The following KCNK13 variants were observed in gnomAD, a reference collection of about 807,000 sequenced individuals.
KCNK13 encodes potassium two pore domain channel subfamily K member 13.
In KCNK13, 12 loss-of-function variants were observed where a neutral mutation model predicts 23.4. The ratio of observed to expected loss-of-function variants is 0.51; its 90% confidence interval spans 0.33 to 0.83. KCNK13 has a LOEUF of 0.83. KCNK13 is among the 40% of genes least tolerant of loss of function. The pLI is 0.02. For missense variants in KCNK13, 463 were observed against 556.3 expected (o/e 0.83, Z 1.69); for synonymous variants, 231 against 229.5 (o/e 1.01, Z -0.06).
At chr14:90,136,127 G>A (rs1889934014) in intron 1 of KCNK13, among the ~76,000 whole-genome samples, 1 of 151,972 alleles carries the variant, frequency 6.6e-6, no homozygotes, top group African/African-American at 2.4e-5. Flanking sequence ...ATGAAAAGTG[G>A]CCAGAATGTG....
At chr14:90,165,298 C>T (rs1007944520) in intron 1 of KCNK13, among the ~76,000 whole-genome samples, 8 of 152,160 alleles carry the variant, frequency 5.3e-5, no homozygotes, top group Non-Finnish European at 7.3e-5. Context: ...GAGTGCTGAT[C>T]AGGGTGGGGC....
chr14:90,074,774 G>A (rs537002517), intron 1 of KCNK13, among the ~76,000 whole-genome samples: 6 of 152,016 alleles, frequency 3.9e-5, no homozygotes, highest in South Asian at 2.1e-4. Context: ...ACCCAAAATG[G>A]CATTTCATTG....
At chr14:90,110,568 TC>T (rs1484713984) in intron 1 of KCNK13, among the ~76,000 whole-genome samples, 3 of 151,894 alleles carry the variant, frequency 2.0e-5, no homozygotes, top group Non-Finnish European at 4.4e-5. Context: ...CTACTGCTAG[TC>T]TGGAGCCACA....
intron 1 of KCNK13, among the ~76,000 whole-genome samples, chr14:90,125,932 G>T (rs1197265762): frequency 6.6e-6 from 1 of 151,926 alleles, no homozygotes; most frequent in Admixed American, 6.6e-5. Flanking sequence ...GCTGAGATGG[G>T]AGGATCACCT....
intron 1 of KCNK13, among the ~76,000 whole-genome samples, chr14:90,122,176 T>C (rs985730926): frequency 1.3e-5 from 2 of 152,162 alleles, no homozygotes; most frequent in Non-Finnish European, 2.9e-5. Flanking sequence ...TTTCACTATT[T>C]TTTTCAGTTA....
In KCNK13 at chr14:90,184,973, C is replaced by A. The variant is rs772343714; in HGVS notation, c.1197C>A (p.Asn399Lys). 1.6e-5 allele frequency: 26 copies of A among 1,602,506 alleles called. No individual in the cohort carries two copies. Among genetic ancestry groups the A allele is most frequent in the Non-Finnish European group, 2.1e-5 (25 of 1,173,556 alleles). ...GGVGAFAIMN[N>K]RLAETSGDR ...TGGGAGCCTTTGCAATCATGAACAA[C>A]AGGTTGGCAGAGACCAGTGGGGACA... Residue 399 changes from asparagine (N) to lysine (K), a missense_variant, in exon 2 of 2, where the codon AAC (asparagine) becomes AAA (lysine). Transcript: ENST00000282146. This position sits in a 1 kb window ranked among gnomAD's most constrained non-coding sequence, Gnocchi z 5.6.
chr14:90,097,761 C>T (rs745912505), intron 1 of KCNK13, among the ~76,000 whole-genome samples: 4 of 152,104 alleles, frequency 2.6e-5, no homozygotes, highest in African/African-American at 4.8e-5. Context: ...ATGCACAACA[C>T]GCCCAGTATA....
chr14:90,146,436 C>T (rs1890074350), intron 1 of KCNK13, among the ~76,000 whole-genome samples: 1 of 152,142 alleles, frequency 6.6e-6, no homozygotes, highest in Admixed American at 6.5e-5. Context: ...CTGTCTCAGC[C>T]TCCCAAGTAG....
intron 1 of KCNK13, among the ~76,000 whole-genome samples, chr14:90,079,387 T>C (rs1889181125): frequency 6.6e-6 from 1 of 151,774 alleles, no homozygotes. Context: ...TGAGGTTATT[T>C]TATGGAGCAT....
At chr14:90,173,991 G>T (rs1289570343) in intron 1 of KCNK13, among the ~76,000 whole-genome samples, 2 of 152,158 alleles carry the variant, frequency 1.3e-5, no homozygotes, top group Non-Finnish European at 2.9e-5. Context: ...AAAGTGCAAA[G>T]AGGGAAGAGT....
chr14:90,105,827 A>C (rs983923419), intron 1 of KCNK13, among the ~76,000 whole-genome samples: 4 of 152,242 alleles, frequency 2.6e-5, no homozygotes, highest in African/African-American at 9.6e-5. Context: ...TAATAATAAC[A>C]GTCCGACAAA....
intron 1 of KCNK13, among the ~76,000 whole-genome samples, chr14:90,179,823 A>G (rs1397670990): frequency 6.6e-6 from 1 of 152,240 alleles, no homozygotes; most frequent in Non-Finnish European, 1.5e-5. Flanking sequence ...ATGTAATTAT[A>G]TCATTTGTTG....
chr14:90,077,441 A>G lies in KCNK13; in HGVS notation c.334+14902A>G, dbSNP rs576426730. 2.6e-5 allele frequency among the ~76,000 whole-genome samples: 4 copies of G among 152,206 alleles called. No individual in the cohort carries two copies. The East Asian group carries it at 7.7e-4, about 29-fold the overall frequency. On this transcript the variant is annotated intron_variant, in intron 1 of 1. Coordinates refer to ENST00000282146, the MANE Select transcript of KCNK13 (RefSeq NM_022054.4). ...CGGCCAATCCTGGGAATTTTTCTTC[A>G]AATATTTCCTTAATGTTAGTTCAGA...
At chr14:90,064,135 A>G (rs890924583) in intron 1 of KCNK13, among the ~76,000 whole-genome samples, 16 of 152,178 alleles carry the variant, frequency 1.1e-4, no homozygotes, top group Non-Finnish European at 1.9e-4. Context: ...GTCCCAGAAG[A>G]CAGTTCCAGA....
At chr14:90,167,549 A>T (rs1890317245) in intron 1 of KCNK13, among the ~76,000 whole-genome samples, 1 of 152,172 alleles carries the variant, frequency 6.6e-6, no homozygotes, top group African/African-American at 2.4e-5. Context: ...ATTTGTAGGT[A>T]AGGCTCAGGA....
chr14:90,182,839 A>AAG (rs1229339136), intron 1 of KCNK13, among the ~76,000 whole-genome samples: 1 of 151,620 alleles, frequency 6.6e-6, no homozygotes, highest in Admixed American at 6.6e-5. Flanking sequence ...AAAAAAAAAA[A>AAG]AGAGAGAGGT....
At chr14:90,073,257 TGTGCTACTACGG>T (rs539525239) in intron 1 of KCNK13, among the ~76,000 whole-genome samples, 1 of 152,302 alleles carries the variant, frequency 6.6e-6, no homozygotes, top group African/African-American at 2.4e-5. Flanking sequence ...TGATGATGTC[TGTGCTACTACGG>T]GTGTAAGGTT....
intron 1 of KCNK13, among the ~76,000 whole-genome samples, chr14:90,153,401 A>G (rs1361705217): frequency 1.3e-5 from 2 of 152,210 alleles, no homozygotes; most frequent in East Asian, 1.9e-4. Context: ...TACCAGTACT[A>G]TCTATCTCAC....
rs75215939 is a variant in KCNK13 at position 90,183,210 on chromosome 14, G to A, written c.335-901G>A. On this transcript the variant is annotated intron_variant, in intron 1 of 1. Coordinates refer to ENST00000282146, the MANE Select transcript of KCNK13 (RefSeq NM_022054.4). ...AGTTAGAGGCAAAGGCAAAATGAAC[G>A]TTTTATAGTTTATCAATGTATAGCA... 1.0e-3 allele frequency among the ~76,000 whole-genome samples: 156 copies of A among 152,224 alleles called. 2 individuals are homozygous for A. In the East Asian group the frequency reaches 0.023, roughly 23 times the overall value.
Sources: allele counts gnomAD v4.1 joint callset (sites outside exome capture counted in the v4.1 genomes callset), GRCh38; gene constraint gnomAD v4.1.1; non-coding constraint Gnocchi (gnomAD v3.1); transcripts MANE v1.5; gene names NCBI Gene and HGNC (gene_info 2026-07-23, HGNC 2026-07-21).